The following LAT2 variants were observed in gnomAD, a reference collection of about 807,000 sequenced individuals.
LAT2 encodes linker for activation of T-cells family member 2.
A neutral mutation model predicts 43.4 loss-of-function variants in LAT2; 23 were observed. The observed-to-expected ratio is 0.53, with a 90% CI of 0.38 to 0.75. The LOEUF is 0.75. LAT2 is among the 30% of genes least tolerant of loss of function. The pLI, the probability that LAT2 is intolerant of heterozygous loss-of-function variation, is 0.00. For synonymous variants in LAT2, 128 were observed against 123.2 expected (o/e 1.04, Z -0.26); for missense variants, 284 against 310.2 (o/e 0.92, Z 0.64).
rs1802221920 is a variant in LAT2 at position 74,220,419 on chromosome 7, T to C, written c.265+165T>C. On this transcript the variant is annotated intron_variant, in intron 7 of 13. Coordinates refer to ENST00000460943, the MANE Select transcript of LAT2 (RefSeq NM_032464.3). The surrounding 1 kb of genome is among the most constrained non-coding windows in gnomAD (Gnocchi z 4.5). ...GCAGGGCAGGCTCCTGGAATCGGCCTGGCAGGGGGAGGGTGCACACTCGCA... is the reference window on the plus strand; with the variant it reads ...GCAGGGCAGGCTCCTGGAATCGGCCCGGCAGGGGGAGGGTGCACACTCGCA... 8.2e-7 allele frequency: 1 copy of C among 1,224,036 alleles called. No homozygotes were observed. Among genetic ancestry groups the C allele is most frequent in the African/African-American group, 1.5e-5 (1 of 67,320 alleles). 75.8% of individuals were successfully genotyped at this position (1,224,036 alleles called of 1,614,324 possible).
chr7:74,220,150 G>A lies in LAT2; in HGVS notation c.228-67G>A. 1.3e-6 allele frequency: 2 copies of A among 1,566,762 alleles called. No individual in the cohort carries two copies. Among genetic ancestry groups the A allele is most frequent in the African/African-American group, 1.3e-5 (1 of 74,090 alleles). ...TGAAGGCCCCACAAGGGGTATGGGGGGATGTGTCCTGGGGGGCCTCTCCCC... is the reference window on the plus strand; with the variant it reads ...TGAAGGCCCCACAAGGGGTATGGGGAGATGTGTCCTGGGGGGCCTCTCCCC... On this transcript the variant is annotated intron_variant, in intron 6 of 13. Transcript: ENST00000460943. This position sits in a 1 kb window ranked among gnomAD's most constrained non-coding sequence, Gnocchi z 4.5.
At chr7:74,226,708 G>A (rs530157380) in intron 13 of LAT2, among the ~76,000 whole-genome samples, 63 of 152,238 alleles carry the variant, frequency 4.1e-4, no homozygotes, top group Middle Eastern at 3.4e-3. Context: ...TTCACTGGTG[G>A]TAAGTCTGGC....
intron 11 of LAT2, 94 bp from the exon 12 acceptor site, chr7:74,223,924 G>A: frequency 6.7e-7 from 1 of 1,494,888 alleles, no homozygotes; most frequent in Non-Finnish European, 9.2e-7. Flanking sequence ...CCTTTCGGTA[G>A]AGCCTTGCCC....
In LAT2 at chr7:74,214,837, G is replaced by A. The variant is rs1298021262; in HGVS notation, c.-203G>A. 11 of 117,618 alleles carry A rather than the reference G, an allele frequency of 9.4e-5. No individual in the cohort carries two copies. Among genetic ancestry groups the A allele is most frequent in the South Asian group, 2.5e-4 (1 of 4,068 alleles). 7.3% of individuals were successfully genotyped at this position (117,618 alleles called of 1,614,324 possible). ...TTTTTTGTAGAGATGGAATTTCACC[G>A]TGTTGCCTAGGCTGGTCTGGAGCTC... On this transcript the variant is annotated 5_prime_UTR_variant, in exon 2 of 14. In the 5' UTR this introduces an upstream ATG that the reference lacks. Coordinates refer to ENST00000460943, the MANE Select transcript of LAT2 (RefSeq NM_032464.3).
Position 74,220,800 on chromosome 7 carries a change from C to T in LAT2, c.332+66C>T. The T allele has an allele frequency of 7.3e-7, 1 of 1,373,380 alleles. No individual in the cohort carries two copies. The highest frequency in any genetic ancestry group is 9.8e-7 in the Non-Finnish European group (1 of 1,019,074). 85.1% of individuals were successfully genotyped at this position (1,373,380 alleles called of 1,614,324 possible). On this transcript the variant is annotated intron_variant, in intron 9 of 13. Coordinates refer to ENST00000460943, the MANE Select transcript of LAT2 (RefSeq NM_032464.3). This position sits in a 1 kb window ranked among gnomAD's most constrained non-coding sequence, Gnocchi z 4.5. ...CCCTGCCCCACCTCTCCCCCTGCCC[C>T]ACCTCTCCCCCTGCCCCACCTGCCT...
rs537702269 is a variant in LAT2, at chr7:74,216,877, G to A, written c.134+13G>A. On this transcript the variant is annotated intron_variant, in intron 4 of 13. Transcript: ENST00000460943. Reference sequence around the variant, plus strand: ...AGCAGAGAAGTCTGTGAGTTGCCTCGATGTCCCTAGCCTGGTGTATTCATG... The same window carrying A: ...AGCAGAGAAGTCTGTGAGTTGCCTCAATGTCCCTAGCCTGGTGTATTCATG... 5.5e-5 allele frequency: 88 copies of A among 1,612,026 alleles called. No homozygotes were observed. The Admixed American group carries it at 6.5e-4, about 12-fold the overall frequency.
At chr7:74,221,353 T>C (rs1219166812) in intron 9 of LAT2, among the ~76,000 whole-genome samples, 5 of 140,836 alleles carry the variant, frequency 3.6e-5, no homozygotes, top group African/African-American at 5.4e-5. Context: ...AGGCTGAGGT[T>C]GCAGTGAGCC....
chr7:74,220,856 C>T lies in LAT2; in HGVS notation c.332+122C>T, dbSNP rs1486547642. 6.1e-6 allele frequency: 5 copies of T among 819,826 alleles called. No homozygotes were observed. Among genetic ancestry groups the T allele is most frequent in the Non-Finnish European group, 9.3e-6 (5 of 534,962 alleles). 50.8% of individuals were successfully genotyped at this position (819,826 alleles called of 1,614,324 possible). On this transcript the variant is annotated intron_variant, in intron 9 of 13. Coordinates refer to ENST00000460943, the MANE Select transcript of LAT2 (RefSeq NM_032464.3). The surrounding 1 kb of genome is among the most constrained non-coding windows in gnomAD (Gnocchi z 4.5). The stretch of plus-strand genomic sequence containing the variant: ...AGCCCTGGGCTTCCTGGTCCAGGAA[C>T]CACCTCTTGCACTAGAACGAGGCAT...
intron 3 of LAT2, 29 bp from the exon 4 acceptor site, chr7:74,216,796 C>A: frequency 6.2e-7 from 1 of 1,611,922 alleles, no homozygotes; most frequent in East Asian, 2.2e-5. Context: ...GCTCCCAGAC[C>A]CTTTGCTAAT....
At chr7:74,224,919 A>C in intron 13 of LAT2, 159 bp downstream of exon 13, 2 of 548,620 alleles carry the variant, frequency 3.6e-6, no homozygotes, top group East Asian at 3.3e-5. Flanking sequence ...CAGCTTGGCG[A>C]CTCTGTTCCT....
chr7:74,221,932 G>A (rs1802299752), intron 10 of LAT2, among the ~76,000 whole-genome samples: 1 of 151,884 alleles, frequency 6.6e-6, no homozygotes, highest in Non-Finnish European at 1.5e-5. Context: ...CACAGGGCAG[G>A]GAACTAGAGG....
At chr7:74,213,753 G>A (rs1801825442) in intron 1 of LAT2, among the ~76,000 whole-genome samples, 1 of 151,990 alleles carries the variant, frequency 6.6e-6, no homozygotes. Context: ...CCTGTTTACT[G>A]CTCCAAGCCT....
rs1563968760 is a variant in LAT2 at position 74,214,771 on chromosome 7, ATATAAATATATATATATATATTTT to A, written c.-218-49_-218-26del. On this transcript the variant is annotated intron_variant, in intron 1 of 13. Transcript: ENST00000460943. The stretch of plus-strand genomic sequence containing the variant: ...TAAATATATATATATAAACATATAT[ATATAAATATATATATATATATTTT>A]TTTTTTTTTTTGTATTTTTTTTGTA... The A allele has an allele frequency of 9.6e-4, 26 of 27,196 alleles. 2 individuals are homozygous for A. The highest frequency in any genetic ancestry group is 3.8e-3 in the African/African-American group (26 of 6,802). 1.7% of individuals were successfully genotyped at this position (27,196 alleles called of 1,614,324 possible).
At chr7:74,228,916 C>T (rs1407699866) in intron 13 of LAT2, 28 bp from the exon 14 acceptor site, 3 of 152,256 alleles carry the variant, frequency 2.0e-5, no homozygotes, top group Non-Finnish European at 4.4e-5. Context: ...GGCAAACCTC[C>T]TTCTACAAAC....
chr7:74,223,708 C>T lies in LAT2; in HGVS notation c.389-16C>T, dbSNP rs1554715630. The T allele has an allele frequency of 6.2e-7, 1 of 1,612,090 alleles. No homozygotes were observed. Among genetic ancestry groups the T allele is most frequent in the South Asian group, 1.1e-5 (1 of 91,034 alleles). ...GTCTGCCCACACCCCCGTGCCCACT[C>T]CTCTCTCTCCTGCAGATGATGATGC... On this transcript the variant is annotated splice_polypyrimidine_tract_variant and intron_variant, in intron 10 of 13. Transcript: ENST00000460943.
At chr7:74,221,596 G>A (rs535551606) in intron 9 of LAT2, 41 bp from the exon 10 acceptor site, 1 of 1,579,730 alleles carries the variant, frequency 6.3e-7, no homozygotes, top group South Asian at 1.1e-5. Flanking sequence ...CCGATCTCCA[G>A]CCTGCCCTGA....
intron 10 of LAT2, among the ~76,000 whole-genome samples, chr7:74,222,406 A>AG (rs1554715449): frequency 6.6e-6 from 1 of 150,970 alleles, no homozygotes; most frequent in African/African-American, 2.4e-5. Flanking sequence ...ATCTCAAAAA[A>AG]AAAAAAAATC....
chr7:74,222,740 AT>A (rs1174333105), intron 10 of LAT2, among the ~76,000 whole-genome samples: 1 of 151,794 alleles, frequency 6.6e-6, no homozygotes, highest in Non-Finnish European at 1.5e-5. Flanking sequence ...CGCCTGGCTA[AT>A]TTTTTGTATT....
At chr7:74,224,924 G>T in intron 13 of LAT2, 164 bp downstream of exon 13, 1 of 545,852 alleles carries the variant, frequency 1.8e-6, no homozygotes, top group South Asian at 2.1e-5. Flanking sequence ...TGGCGACTCT[G>T]TTCCTCTGTT....
Sources: gnomAD v4.1 joint callset for allele counts (sites outside exome capture counted in the v4.1 genomes callset) on GRCh38, gnomAD v4.1.1 for gene constraint, Gnocchi (gnomAD v3.1) non-coding constraint, MANE v1.5 for transcripts, NCBI Gene and HGNC (gene_info 2026-07-23, HGNC 2026-07-21) for gene names.